The following MRTFB variants were observed in gnomAD, a reference collection of about 807,000 sequenced individuals.
The protein encoded by MRTFB is myocardin-related transcription factor B.
In MRTFB, 29 loss-of-function variants were observed where a neutral mutation model predicts 104.2. The observed-to-expected ratio is 0.28, with a 90% confidence interval of 0.21 to 0.38. The LOEUF is 0.38. Ranked by LOEUF, MRTFB falls within the 10% of genes least tolerant of loss-of-function variation. The pLI is 1.00. For synonymous variants in MRTFB, 535 were observed against 519.5 expected, an observed-to-expected ratio of 1.03 and a Z score of -0.41; for missense variants, 1,270 against 1,341.6, an observed-to-expected ratio of 0.95 and a Z score of 0.83.
the MRTFB span, among the ~76,000 whole-genome samples, chr16:14,034,732 G>A: frequency 6.6e-6 from 1 of 151,754 alleles, no homozygotes; most frequent in Non-Finnish European, 1.5e-5. Flanking sequence ...ATTGGATTAC[G>A]GCCCATTCTT....
intron 10 of MRTFB, among the ~76,000 whole-genome samples, chr16:14,243,864 G>GTTTGTTTTTTGTTTTTTTTTT (rs750881308): frequency 8.0e-6 from 1 of 124,676 alleles, no homozygotes; most frequent in African/African-American, 3.8e-5. Context: ...CCTGTTTTGG[G>GTTTGTTTTTTGTTTTTTTTTT]TTTTTTTTTT....
chr16:14,071,294 A>G, upstream of MRTFB: 1 of 155,374 alleles, frequency 6.4e-6, no homozygotes, highest in Non-Finnish European at 1.4e-5. Flanking sequence ...GAGGAGGGGG[A>G]GTGCCGAGGG....
intron 2 of MRTFB, among the ~76,000 whole-genome samples, chr16:14,082,749 C>G (rs566966584): frequency 2.6e-4 from 39 of 151,968 alleles, no homozygotes; most frequent in African/African-American, 8.9e-4. Context: ...CCACAGCACT[C>G]CAGCCTGGGC....
At chr16:13,996,236 C>T in the MRTFB span, among the ~76,000 whole-genome samples, 2 of 151,846 alleles carry the variant, frequency 1.3e-5, no homozygotes, top group Non-Finnish European at 2.9e-5. Flanking sequence ...CGTGCCGTTG[C>T]ACTCCAGCCT....
chr16:14,144,961 A>T (rs1204601041), intron 3 of MRTFB, among the ~76,000 whole-genome samples: 7 of 139,634 alleles, frequency 5.0e-5, no homozygotes, highest in African/African-American at 2.1e-4. Flanking sequence ...AAAAAAAAAA[A>T]ATAAATAAAT....
intron 2 of MRTFB, among the ~76,000 whole-genome samples, chr16:14,087,150 G>A (rs2034761594): frequency 2.0e-5 from 3 of 152,184 alleles, no homozygotes; most frequent in African/African-American, 7.2e-5. Flanking sequence ...AACACTCGGG[G>A]CTTACTTCTG....
At chr16:14,258,420 C>A (rs1269130580) in intron 16 of MRTFB, among the ~76,000 whole-genome samples, 1 of 152,044 alleles carries the variant, frequency 6.6e-6, no homozygotes, top group East Asian at 1.9e-4. Flanking sequence ...CATAATGAGA[C>A]CTCATCTCTA....
chr16:14,069,524 T>C (rs1214234213), upstream of MRTFB, among the ~76,000 whole-genome samples: 1 of 152,250 alleles, frequency 6.6e-6, no homozygotes, highest in Non-Finnish European at 1.5e-5. Flanking sequence ...CTCACTCTGT[T>C]GTCCAGACTG....
intron 3 of MRTFB, among the ~76,000 whole-genome samples, chr16:14,173,408 T>C (rs2039484564): frequency 6.6e-6 from 1 of 152,216 alleles, no homozygotes; most frequent in Admixed American, 6.5e-5. Context: ...ACACATTTCC[T>C]GTTTAGTTTC....
intron 1 of MRTFB, among the ~76,000 whole-genome samples, chr16:14,078,960 C>T (rs1355647374): frequency 6.6e-6 from 1 of 151,980 alleles, no homozygotes; most frequent in Non-Finnish European, 1.5e-5. Context: ...AGTTACTTAC[C>T]CCAGATCACA....
chr16:14,245,687 A>AC (rs1452005157), intron 11 of MRTFB, 27 bp downstream of exon 11: 21 of 1,593,648 alleles, frequency 1.3e-5, no homozygotes, highest in Non-Finnish European at 1.8e-5. Flanking sequence ...GAGCTTATTC[A>AC]CCCCTAAGTA....
At chr16:14,258,007 C>T in intron 15 of MRTFB, 94 bp from the exon 16 acceptor site, 1 of 1,075,532 alleles carries the variant, frequency 9.3e-7, no homozygotes, top group Non-Finnish European at 1.4e-6. Flanking sequence ...TAGATTAGAA[C>T]TAAATCATCT....
the MRTFB span, among the ~76,000 whole-genome samples, chr16:14,004,435 G>A: frequency 8.5e-5 from 13 of 152,304 alleles, no homozygotes; most frequent in South Asian, 2.7e-3. Flanking sequence ...AGGGAGTCAC[G>A]GTGGGGTTAC....
At chr16:14,096,125 G>T (rs1231627402) in intron 2 of MRTFB, among the ~76,000 whole-genome samples, 2 of 151,900 alleles carry the variant, frequency 1.3e-5, no homozygotes, top group Non-Finnish European at 2.9e-5. Flanking sequence ...CTTCCAGGCT[G>T]CAGTGCAGTG....
intron 2 of MRTFB, among the ~76,000 whole-genome samples, chr16:14,121,016 T>C (rs1204263585): frequency 1.3e-5 from 2 of 152,186 alleles, no homozygotes; most frequent in African/African-American, 4.8e-5. Flanking sequence ...GTATAGTATA[T>C]TTTTTCCAGA....
chr16:14,201,183 G>C (rs1368623445), intron 3 of MRTFB, among the ~76,000 whole-genome samples: 1 of 152,184 alleles, frequency 6.6e-6, no homozygotes, highest in East Asian at 1.9e-4. Context: ...GTTGGCACTA[G>C]AAACATTGTC....
intron 3 of MRTFB, among the ~76,000 whole-genome samples, chr16:14,197,453 A>G (rs2040489832): frequency 6.6e-6 from 1 of 152,192 alleles, no homozygotes; most frequent in African/African-American, 2.4e-5. Flanking sequence ...CAATTCAAAA[A>G]TAACTCCAAA....
At chr16:14,224,134 C>G (rs1310893407) in intron 8 of MRTFB, among the ~76,000 whole-genome samples, 2 of 152,136 alleles carry the variant, frequency 1.3e-5, no homozygotes, top group African/African-American at 4.8e-5. Flanking sequence ...TTTCAAACAA[C>G]CAGATCCCAT....
rs2043778619 is a variant in MRTFB at position 14,261,497 on chromosome 16, TA to T, written c.*57del. On this transcript the variant is annotated 3_prime_UTR_variant, in exon 17 of 17. Transcript: ENST00000571589. ...ATGAGGTTTAAGAACATGAAGATTCTAAAAGGTCAGTTTTTAGAGATAGATC... is the reference window on the plus strand; with the variant it reads ...ATGAGGTTTAAGAACATGAAGATTCTAAAGGTCAGTTTTTAGAGATAGATC... 3.1e-5 allele frequency: 46 copies of T among 1,499,494 alleles called. No individual in the cohort carries two copies. In the South Asian group the frequency reaches 6.1e-4, roughly 20 times the overall value. The allele number at this position is 1,499,494 out of a possible 1,614,324, so 92.9% of individuals were successfully genotyped here. A position where few individuals can be genotyped will look rare whatever the true frequency, so the allele number is the denominator to read the frequency against.
Sources: allele counts gnomAD v4.1 joint callset (sites outside exome capture counted in the v4.1 genomes callset), GRCh38; gene constraint gnomAD v4.1.1; transcripts MANE v1.5; gene names NCBI Gene and HGNC (gene_info 2026-07-23, HGNC 2026-07-21).